The following DTNB variants were observed in gnomAD, a reference collection of about 807,000 sequenced individuals.
The protein encoded by DTNB is DTN-B.
Under a neutral mutation model 90.7 loss-of-function variants are expected in DTNB, and 63 were observed. The observed-to-expected ratio is 0.69, with a 90% CI of 0.57 to 0.86. DTNB has a LOEUF of 0.86. Among genes scored for constraint, DTNB ranks in the 40% least tolerant of loss-of-function variants. The probability of loss-of-function intolerance (pLI) is 0.00; values close to 1 mark genes in which losing one functional copy is unlikely to be tolerated. For missense variants in DTNB, 744 were observed against 807.1 expected (o/e 0.92, Z 0.95); for synonymous variants, 277 against 286.7 (o/e 0.97, Z 0.34).
At chr2:25,401,679 C>T (rs1172878695) in intron 16 of DTNB, among the ~76,000 whole-genome samples, 2 of 152,232 alleles carry the variant, frequency 1.3e-5, no homozygotes, top group Non-Finnish European at 2.9e-5. Context: ...GTCAGGTAAA[C>T]AAGGCCAGAG....
intron 14 of DTNB, among the ~76,000 whole-genome samples, chr2:25,432,482 C>A (rs1476596246): frequency 6.6e-6 from 1 of 152,170 alleles, no homozygotes; most frequent in Admixed American, 6.5e-5. Flanking sequence ...TCGGCAGAGC[C>A]CTGCATTGAC....
chr2:25,491,687 T>C (rs1367685397), intron 9 of DTNB, among the ~76,000 whole-genome samples: 2 of 151,998 alleles, frequency 1.3e-5, no homozygotes, highest in African/African-American at 4.8e-5. Flanking sequence ...CTTAACTCTA[T>C]TAATGTCTAC....
At chr2:25,432,747 TG>T in intron 14 of DTNB, 138 bp downstream of exon 14, 1 of 834,298 alleles carries the variant, frequency 1.2e-6, no homozygotes, top group Non-Finnish European at 1.9e-6. Flanking sequence ...AGCAACAGAA[TG>T]GGTGAACTCT....
intron 12 of DTNB, among the ~76,000 whole-genome samples, chr2:25,437,474 C>T (rs192692190): frequency 3.9e-5 from 6 of 152,194 alleles, no homozygotes; most frequent in African/African-American, 7.2e-5. Context: ...GTTGGCTAGG[C>T]TGGTCTCAAA....
intron 10 of DTNB, among the ~76,000 whole-genome samples, chr2:25,469,177 T>C (rs2062329617): frequency 2.0e-5 from 3 of 152,100 alleles, no homozygotes; most frequent in Non-Finnish European, 2.9e-5. Context: ...TTTGACCTAG[T>C]CCAGGAGATC....
At chr2:25,596,301 C>A in intron 5 of DTNB, 61 bp from the exon 6 acceptor site, 1 of 1,500,748 alleles carries the variant, frequency 6.7e-7, no homozygotes. Context: ...TTATAAATGG[C>A]TCTATGTCAT....
At position 25,566,824 on chromosome 2, in the gene DTNB, T is replaced by C. The variant is rs2059117748; in HGVS notation, c.876+10014A>G. Among the ~76,000 whole-genome samples the C allele has an allele frequency of 3.3e-5, 5 of 152,056 alleles. No homozygotes were observed. The South Asian group carries it at 8.3e-4, about 25-fold the overall frequency. On this transcript the variant is annotated intron_variant, in intron 8 of 20. Transcript: ENST00000406818. ...GTGGAAGAAATGTGCAGAGAAGCAG[T>C]TGAAAGTGAAGGCAGCTTGCTGGCC...
intron 10 of DTNB, among the ~76,000 whole-genome samples, chr2:25,457,222 A>C (rs919791297): frequency 6.6e-6 from 1 of 150,694 alleles, no homozygotes; most frequent in African/African-American, 2.4e-5. Flanking sequence ...GTTGGCCAGG[A>C]TGGTCTCGAA....
At chr2:25,480,250 A>G (rs2064656049) in intron 10 of DTNB, among the ~76,000 whole-genome samples, 1 of 152,102 alleles carries the variant, frequency 6.6e-6, no homozygotes. Context: ...TTCTTAATCA[A>G]TCGGAGCTCA....
intron 14 of DTNB, among the ~76,000 whole-genome samples, chr2:25,430,342 C>G (rs2053444114): frequency 6.6e-6 from 1 of 152,068 alleles, no homozygotes; most frequent in Non-Finnish European, 1.5e-5. Flanking sequence ...GCAGTAGACC[C>G]TCGATAAGAA....
rs576359369 is a variant in DTNB, at chr2:25,590,632, G to C, written c.603+5454C>G. Among the ~76,000 whole-genome samples, 13 of 152,292 alleles carry C rather than the reference G, an allele frequency of 8.5e-5. 1 individual carries two copies. The South Asian group carries it at 2.5e-3, about 29-fold the overall frequency. ...TTAGCAGACAGGAGACTCTGGGGTG[G>C]GTAGCTCCTCTCCACAGCTGGTAAT... On this transcript the variant is annotated intron_variant, in intron 6 of 20. Transcript: ENST00000406818.
chr2:25,406,496 T>C (rs566621300), intron 16 of DTNB, among the ~76,000 whole-genome samples: 39 of 150,330 alleles, frequency 2.6e-4, no homozygotes, highest in Non-Finnish European at 4.0e-4. Flanking sequence ...GATCGTGCCA[T>C]TGCACTCCAG....
intron 10 of DTNB, among the ~76,000 whole-genome samples, chr2:25,476,596 T>A (rs893355932): frequency 6.6e-6 from 1 of 152,168 alleles, no homozygotes; most frequent in Non-Finnish European, 1.5e-5. Flanking sequence ...CATGGAATTC[T>A]AGGGGTTCAA....
chr2:25,640,733 G>T (rs142904789), intron 2 of DTNB, among the ~76,000 whole-genome samples: 8 of 152,178 alleles, frequency 5.3e-5, no homozygotes, highest in Admixed American at 1.3e-4. Flanking sequence ...TTGGCCAGGC[G>T]CGGTGGCTCA....
At chr2:25,481,940 T>C in intron 10 of DTNB, 1 of 152,232 alleles carries the variant, frequency 6.6e-6, no homozygotes, top group Non-Finnish European at 1.5e-5. Context: ...AAGCACTATG[T>C]ATTATATAGT....
chr2:25,556,034 TAAATA>T (rs1283397076), intron 8 of DTNB, among the ~76,000 whole-genome samples: 9 of 151,934 alleles, frequency 5.9e-5, no homozygotes, highest in Admixed American at 4.6e-4. Context: ...AATATAAAAA[TAAATA>T]AAATAAAATA....
At chr2:25,521,288 C>A (rs976888098) in intron 9 of DTNB, among the ~76,000 whole-genome samples, 31 of 152,122 alleles carry the variant, frequency 2.0e-4, no homozygotes, top group Admixed American at 6.5e-4. Flanking sequence ...GCTCTAAGGG[C>A]CATTTGGTCT....
chr2:25,544,735 ATAGTT>A (rs1211303446), intron 8 of DTNB, among the ~76,000 whole-genome samples: 2 of 152,242 alleles, frequency 1.3e-5, no homozygotes, highest in African/African-American at 4.8e-5. Flanking sequence ...ATTTCATGCC[ATAGTT>A]TAGTACTTCA....
intron 8 of DTNB, among the ~76,000 whole-genome samples, chr2:25,534,537 C>A (rs1032569238): frequency 1.3e-5 from 2 of 152,212 alleles, no homozygotes; most frequent in Admixed American, 6.5e-5. Flanking sequence ...GCTGGGTACA[C>A]TTCCCAGATG....
Sources: allele counts gnomAD v4.1 joint callset (sites outside exome capture counted in the v4.1 genomes callset), GRCh38; gene constraint gnomAD v4.1.1; transcripts MANE v1.5; gene names NCBI Gene and HGNC (gene_info 2026-07-23, HGNC 2026-07-21).